Variants in HHIP observed in about 807,000 individuals in gnomAD.
The protein encoded by HHIP is hedgehog-interacting protein.
HHIP carries 12 observed loss-of-function variants against 74.0 expected under a neutral mutation model. The ratio of observed to expected loss-of-function variants is 0.16; its 90% CI spans 0.10 to 0.26. The LOEUF is 0.26. Among genes scored for constraint, HHIP ranks in the 10% least tolerant of loss-of-function variants. HHIP has a pLI of 1.00. For missense variants in HHIP, 788 were observed against 845.0 expected (o/e 0.93, Z 0.84); for synonymous variants, 309 against 311.6 (o/e 0.99, Z 0.09).
At chr4:144,670,764 GAA>G (rs1167213848) in intron 4 of HHIP, among the ~76,000 whole-genome samples, 3,939 of 54,748 alleles carry the variant, frequency 0.072, 55 homozygotes, top group South Asian at 0.18. Context: ...CTTAAGATTT[GAA>G]AAAAAAAAAA....
Position 144,714,233 on chromosome 4 carries a change from C to T in HHIP, c.1432C>T (p.Pro478Ser). 1.9e-6 allele frequency: 3 copies of T among 1,611,830 alleles called. No individual in the cohort carries two copies. The highest frequency in any genetic ancestry group is 2.5e-6 in the Non-Finnish European group (3 of 1,178,300). The change falls in exon 9 of 13, where the codon CCA (proline) becomes TCA (serine). Residue 478 changes from proline (P) to serine (S), a missense_variant. Around this residue, in one of 3 missense-constraint regions of HHIP, gnomAD observed 343 missense variants for 347.9 expected, o/e 0.99. Transcript: ENST00000296575. ...GCTATGTTTCTTTCCAGAAAGTGAG[C>T]CATCACTTTTAGAATTCAAGCCATT... ...IIKGKDYESE[P>S]SLLEFKPFSN...
At chr4:144,671,580 A>G (rs1729038884) in intron 4 of HHIP, among the ~76,000 whole-genome samples, 1 of 152,218 alleles carries the variant, frequency 6.6e-6, no homozygotes, top group South Asian at 2.1e-4. Context: ...AGAACTAATC[A>G]TGGCATAGCC....
chr4:144,743,838 T>TA lies in HHIP; in HGVS notation c.*5888dup, dbSNP rs1731324424. On this transcript the variant is annotated 3_prime_UTR_variant, in exon 13 of 13. Coordinates refer to ENST00000296575, the MANE Select transcript of HHIP (RefSeq NM_022475.3). Reference sequence around the variant, plus strand: ...AATTCTTGTACATTTTCCTTTTCACTAAAAAAATAACTAATTGATAGTTTC... The same window carrying TA: ...AATTCTTGTACATTTTCCTTTTCACTAAAAAAAATAACTAATTGATAGTTTC... The TA allele has an allele frequency of 6.6e-6, 1 of 152,060 alleles. No individual in the cohort carries two copies. The highest frequency in any genetic ancestry group is 1.5e-5 in the Non-Finnish European group (1 of 67,952). The allele number at this position is 152,060 out of a possible 1,614,324, so 9.4% of individuals were successfully genotyped here. A position where few individuals can be genotyped will look rare whatever the true frequency, so the allele number is the denominator to read the frequency against.
intron 4 of HHIP, among the ~76,000 whole-genome samples, chr4:144,671,498 G>C (rs1213647068): frequency 6.6e-6 from 1 of 152,146 alleles, no homozygotes; most frequent in Non-Finnish European, 1.5e-5. Context: ...TTAGGTGACA[G>C]CATCAATTTT....
intron 11 of HHIP, among the ~76,000 whole-genome samples, chr4:144,727,432 TTA>T (rs1331927167): frequency 6.6e-6 from 1 of 152,204 alleles, no homozygotes; most frequent in Admixed American, 6.6e-5. Flanking sequence ...AACAGCCCCC[TTA>T]TTTTAAGTGC....
At chr4:144,657,159 G>A (rs1728580636) in intron 2 of HHIP, among the ~76,000 whole-genome samples, 1 of 152,068 alleles carries the variant, frequency 6.6e-6, no homozygotes, top group East Asian at 1.9e-4. Flanking sequence ...TCAAAAGTTA[G>A]GTCAAAATGT....
rs1398639432 is a variant in HHIP, at chr4:144,646,929, C to A, written c.254C>A (p.Pro85Gln). Residue 85 changes from proline to glutamine, a missense_variant, in exon 1 of 13, where the codon CCG becomes CAG. Pro to Gln is a moderately conservative substitution (Grantham distance 76). Coordinates refer to ENST00000296575, the MANE Select transcript of HHIP (RefSeq NM_022475.3). ...TCCTGCTGCCTGCGGAGTGACAGCC[C>A]GGGGCTAGGGCGCCTGGAGAATAAG... ...RLSCCLRSDS[P>Q]GLGRLENKIF... 1.2e-6 allele frequency: 2 copies of A among 1,612,048 alleles called. No homozygotes were observed. Among genetic ancestry groups the A allele is most frequent in the African/African-American group, 2.7e-5 (2 of 74,854 alleles).
chr4:144,699,745 G>A (rs1227341456), intron 4 of HHIP, among the ~76,000 whole-genome samples: 2 of 151,694 alleles, frequency 1.3e-5, no homozygotes, highest in Non-Finnish European at 2.9e-5. Flanking sequence ...TGGAGACAAA[G>A]AACAAACTTT....
intron 11 of HHIP, among the ~76,000 whole-genome samples, chr4:144,724,065 A>G (rs1242298028): frequency 6.6e-6 from 1 of 152,282 alleles, no homozygotes; most frequent in Non-Finnish European, 1.5e-5. Context: ...TATACCACAA[A>G]AGATTTGGGC....
intron 4 of HHIP, among the ~76,000 whole-genome samples, chr4:144,702,363 TTGTC>T (rs1730009625): frequency 6.6e-6 from 1 of 152,120 alleles, no homozygotes; most frequent in Non-Finnish European, 1.5e-5. Context: ...CATTTTGGGG[TTGTC>T]TATTTTCTGT....
chr4:144,724,746 G>A (rs945596202), intron 11 of HHIP, among the ~76,000 whole-genome samples: 1 of 147,354 alleles, frequency 6.8e-6, no homozygotes, highest in African/African-American at 2.5e-5. Flanking sequence ...CCCATTTCCT[G>A]GAAATGTGAC....
intron 4 of HHIP, among the ~76,000 whole-genome samples, chr4:144,697,941 T>G (rs1173611130): frequency 6.6e-6 from 1 of 152,142 alleles, no homozygotes; most frequent in African/African-American, 2.4e-5. Context: ...TTTTGTTTTT[T>G]GAAGAGAGTA....
chr4:144,669,972 T>C, intron 4 of HHIP, among the ~76,000 whole-genome samples: 1 of 102,804 alleles, frequency 9.7e-6, no homozygotes, highest in South Asian at 3.8e-4. Flanking sequence ...AAACCCCGTC[T>C]CTACTTAAAA....
intron 8 of HHIP, among the ~76,000 whole-genome samples, chr4:144,713,241 T>C (rs1177853709): frequency 6.6e-6 from 1 of 152,106 alleles, no homozygotes; most frequent in Non-Finnish European, 1.5e-5. Context: ...AGATTAATTG[T>C]CACACAACAC....
chr4:144,657,518 C>T (rs905038638), intron 2 of HHIP, among the ~76,000 whole-genome samples: 3 of 152,042 alleles, frequency 2.0e-5, no homozygotes, highest in Admixed American at 1.3e-4. Context: ...CTGGTAATAC[C>T]GTCATATTTT....
intron 4 of HHIP, 43 bp downstream of exon 4, chr4:144,659,881 A>G (rs1377118284): frequency 2.1e-6 from 3 of 1,441,962 alleles, no homozygotes; most frequent in Non-Finnish European, 2.9e-6. Context: ...TGGCTACGTT[A>G]ATTTTATTTT....
intron 4 of HHIP, among the ~76,000 whole-genome samples, chr4:144,689,299 T>C (rs2126632127): frequency 6.6e-6 from 1 of 152,360 alleles, no homozygotes; most frequent in African/African-American, 2.4e-5. Flanking sequence ...CTTGCTAGTT[T>C]ATTTCTAAGG....
chr4:144,651,232 T>C (rs1182548525), intron 1 of HHIP, among the ~76,000 whole-genome samples: 2 of 152,114 alleles, frequency 1.3e-5, no homozygotes, highest in Non-Finnish European at 2.9e-5. Context: ...AATTGTTATT[T>C]AAATAAATTG....
In HHIP at chr4:144,652,608, T is replaced by C; in HGVS notation, c.283T>C (p.Phe95Leu). 1 of 1,593,942 alleles carries C rather than the reference T, an allele frequency of 6.3e-7. No individual in the cohort carries two copies. The highest frequency in any genetic ancestry group is 1.1e-5 in the South Asian group (1 of 87,112). Residue 95 changes from phenylalanine (F) to leucine (L), a missense_variant, in exon 2 of 13, where the codon TTT becomes CTT. By Grantham distance (22) the Phe-to-Leu change is conservative. Around this residue, in one of 3 missense-constraint regions of HHIP, gnomAD observed 373 missense variants for 366.4 expected, o/e 1.02. Coordinates refer to ENST00000296575, the MANE Select transcript of HHIP (RefSeq NM_022475.3). ...GCTTCTGATTTATGGCTTTCAGATATTTTCTGTTACCAACAACACAGAATG... is the reference window on the plus strand; with the variant it reads ...GCTTCTGATTTATGGCTTTCAGATACTTTCTGTTACCAACAACACAGAATG... The part of the protein sequence containing the change: ...PGLGRLENKI[F>L]SVTNNTECGK...
Sources: gnomAD v4.1 joint callset for allele counts (sites outside exome capture counted in the v4.1 genomes callset) on GRCh38, gnomAD v4.1.1 for gene constraint, gnomAD v4.1.1 regional missense constraint, MANE v1.5 for transcripts, NCBI Gene and HGNC (gene_info 2026-07-23, HGNC 2026-07-21) for gene names.